Variants in ZNF544 observed in about 807,000 individuals in gnomAD.
The protein encoded by ZNF544 is zinc finger protein AF020591.
A neutral mutation model predicts 13.5 loss-of-function variants in ZNF544; 10 were observed. That is an observed-to-expected ratio of 0.74 (90% CI 0.46 to 1.25). The LOEUF (loss-of-function observed/expected upper bound fraction) is 1.25, where lower values mean the gene tolerates loss of function less well. ZNF544 is among the 50% of genes most tolerant of loss of function. The pLI is 0.00. For missense variants in ZNF544, 896 were observed against 845.6 expected (o/e 1.06, Z -0.74); for synonymous variants, 323 against 300.5 (o/e 1.07, Z -0.77).
Position 58,261,637 on chromosome 19 carries a change from G to T in ZNF544, c.1031G>T (p.Cys344Phe), listed in dbSNP as rs144773098. The T allele has an allele frequency of 6.2e-7, 1 of 1,614,234 alleles. No individual in the cohort carries two copies. Among genetic ancestry groups the T allele is most frequent in the South Asian group, 1.1e-5 (1 of 91,092 alleles). ...CCCATGGCCTCATCTTTTTCTGACT[G>T]TAACATCATTCAGACTACAGAGAAG... is the stretch of plus-strand genomic sequence containing the variant. ...AFPMASSFSD[C>F]NIIQTTEKPS... Residue 344 changes from cysteine (C) to phenylalanine (F), a missense_variant, in exon 7 of 7, where the codon TGT becomes TTT. Coordinates refer to ENST00000687789, the MANE Select transcript of ZNF544 (RefSeq NM_014480.4).
intron 6 of ZNF544, 166 bp from the exon 7 acceptor site, chr19:58,260,685 T>C (rs2048725393): frequency 3.2e-6 from 2 of 629,046 alleles, no homozygotes; most frequent in South Asian, 4.4e-5. Flanking sequence ...ACTGATACCA[T>C]GTTTGCTGAT....
At chr19:58,260,762 T>G in intron 6 of ZNF544, 89 bp from the exon 7 acceptor site, 1 of 1,215,938 alleles carries the variant, frequency 8.2e-7, no homozygotes, top group South Asian at 1.6e-5. Flanking sequence ...CCAGAGACAC[T>G]TCCATTAAAC....
chr19:58,263,039 C>T lies in ZNF544; in HGVS notation c.*285C>T. ...GAAAGCCTTTAGCCAACGGTGTCAA[C>T]TTACTAGGCAGCAGAGAATTCATAC... On this transcript the variant is annotated 3_prime_UTR_variant, in exon 7 of 7. Transcript: ENST00000687789. 8.6e-7 allele frequency: 1 copy of T among 1,169,278 alleles called. No homozygotes were observed. The highest frequency in any genetic ancestry group is 4.5e-5 in the East Asian group (1 of 22,192). The allele number at this position is 1,169,278 out of a possible 1,614,324, so 72.4% of individuals were successfully genotyped here. A position where few individuals can be genotyped will look rare whatever the true frequency, so the allele number is the denominator to read the frequency against.
Position 58,261,275 on chromosome 19 carries a change from T to A in ZNF544, c.669T>A (p.Cys223Ter), listed in dbSNP as rs756955839. ...GTCATCAGTGTGCTAGAGCTTTCTG[T>A]CAGAGTATTTACTTGAGTAAACTTG... ...CESHQCARAFCQSIYLSKLGN... is the reference protein window; with the variant it reads ...CESHQCARAF The change falls in exon 7 of 7, where the codon TGT becomes TGA. Residue 223 changes from cysteine to a stop codon, truncating the protein, a stop_gained. Transcript: ENST00000687789. LOFTEE classifies it low-confidence loss of function (END_TRUNC). 6.2e-7 allele frequency: 1 copy of A among 1,614,180 alleles called. No homozygotes were observed. The highest frequency in any genetic ancestry group is 2.2e-5 in the East Asian group (1 of 44,894).
At chr19:58,247,457 T>TC (rs1383680006) in intron 6 of ZNF544, 1 of 152,290 alleles carries the variant, frequency 6.6e-6, no homozygotes, top group Non-Finnish European at 1.5e-5. Flanking sequence ...AGACAGAGTT[T>TC]CACCGTGTTA....
At position 58,262,637 on chromosome 19, in the gene ZNF544, C is replaced by G; in HGVS notation, c.2031C>G (p.Ser677=). The change falls in exon 7 of 7, where the codon TCC becomes TCG. Residue 677 remains serine (S), a synonymous_variant. Transcript: ENST00000687789. ...KAFSGSSNLL[S]HHRIHSGEKP... ...TTTCAGGGAGCTCTAACCTTCTTTC[C>G]CATCACAGAATTCATTCTGGAGAGA... 6.2e-7 allele frequency: 1 copy of G among 1,613,940 alleles called. No homozygotes were observed. Among genetic ancestry groups the G allele is most frequent in the East Asian group, 2.2e-5 (1 of 44,860 alleles).
chr19:58,235,523 C>T (rs1355343153), intron 3 of ZNF544, among the ~76,000 whole-genome samples: 1 of 152,108 alleles, frequency 6.6e-6, no homozygotes, highest in African/African-American at 2.4e-5. Flanking sequence ...ATGCAATTAA[C>T]CTAAAATGTG....
Position 58,270,377 on chromosome 19 carries a change from C to A in ZNF544, c.245-5946C>A, listed in dbSNP as rs147194422. On this transcript the variant is annotated intron_variant, in intron 5 of 6. Coordinates refer to the ZNF544 transcript ENST00000595981. The stretch of plus-strand genomic sequence containing the variant: ...AGTGCAGTGGCGCGATCTTGGCTCA[C>A]TGTAACCTCCGCCTCCCGGGTTCAA... Among the ~76,000 whole-genome samples, 913 of 151,214 alleles carry A rather than the reference C, an allele frequency of 6.0e-3. 11 individuals carry two copies. The highest frequency in any genetic ancestry group is 0.021 in the African/African-American group (867 of 41,196).
Position 58,260,879 on chromosome 19 carries a change from G to T in ZNF544, c.273G>T (p.Arg91Ser). The T allele has an allele frequency of 1.2e-6, 2 of 1,610,226 alleles. No individual in the cohort carries two copies. The highest frequency in any genetic ancestry group is 8.5e-7 in the Non-Finnish European group (1 of 1,178,550). Reference protein sequence around the residue: ...RDWKATLEENRLNSEKDRARE... With the variant: ...RDWKATLEENSLNSEKDRARE... ...GGAAAGCTACCCTTGAGGAGAATAG[G>T]TTGAATTCTGAAAAAGATCGAGCTA... Residue 91 changes from arginine (R) to serine (S), a missense_variant, in exon 7 of 7, where the codon AGG becomes AGT. Coordinates refer to ENST00000687789, the MANE Select transcript of ZNF544 (RefSeq NM_014480.4).
chr19:58,271,511 AG>A (rs987017833), intron 5 of ZNF544, among the ~76,000 whole-genome samples: 6 of 152,072 alleles, frequency 3.9e-5, no homozygotes, highest in Admixed American at 2.6e-4. Context: ...CTGAGTTGGG[AG>A]GATTCTTTGA....
chr19:58,260,040 G>A (rs1308196374), intron 6 of ZNF544, among the ~76,000 whole-genome samples: 1 of 152,200 alleles, frequency 6.6e-6, no homozygotes, highest in East Asian at 1.9e-4. Context: ...TGAGGCTGCA[G>A]TGAGCCATGA....
rs2048123424 is a variant in ZNF544, at chr19:58,258,490, G to GGGTGCTGGGTGTGAC, written c.245-2359_245-2358insTGCTGGGTGTGACGG. 10 of 101,226 alleles carry GGGTGCTGGGTGTGAC rather than the reference G, an allele frequency of 9.9e-5. No individual in the cohort carries two copies. The Admixed American group carries it at 1.1e-3, about 11-fold the overall frequency. 6.3% of individuals were successfully genotyped at this position (101,226 alleles called of 1,614,324 possible). ...CCAGGTGTGAGGGTGCTGGGTGCGA[G>GGGTGCTGGGTGTGAC]GGCACCAGGTGTGAGGGTGCTGGGT... On this transcript the variant is annotated intron_variant, in intron 6 of 6. Transcript: ENST00000687789.
intron 3 of ZNF544, among the ~76,000 whole-genome samples, chr19:58,242,964 G>C (rs1458607392): frequency 6.6e-6 from 1 of 152,092 alleles, no homozygotes; most frequent in Non-Finnish European, 1.5e-5. Flanking sequence ...CAAAGTGCTG[G>C]GATTACACGC....
At position 58,261,788 on chromosome 19, in the gene ZNF544, C is replaced by T. The variant is rs769419548; in HGVS notation, c.1182C>T (p.Asp394=). 3 of 1,613,834 alleles carry T rather than the reference C, an allele frequency of 1.9e-6. No homozygotes were observed. Among genetic ancestry groups the T allele is most frequent in the Admixed American group, 1.7e-5 (1 of 59,978 alleles). Residue 394 remains aspartate (D), a synonymous_variant, in exon 7 of 7, where the codon GAC becomes GAT. Transcript: ENST00000687789. ...GGAAATCTTTTAGCCAGAGCTATGACCTTGTCATACATCAGAGGACACACA... is the reference window on the plus strand; with the variant it reads ...GGAAATCTTTTAGCCAGAGCTATGATCTTGTCATACATCAGAGGACACACA... ...QCGKSFSQSY[D]LVIHQRTHTG... is the part of the protein sequence containing the mutation.
At chr19:58,248,034 C>T (rs2045636469) in intron 6 of ZNF544, among the ~76,000 whole-genome samples, 1 of 152,004 alleles carries the variant, frequency 6.6e-6, no homozygotes, top group African/African-American at 2.4e-5. Flanking sequence ...CTGCCTCAAC[C>T]TCCCAACTAA....
At position 58,229,542 on chromosome 19, in the gene ZNF544, T is replaced by A. The variant is rs1431993753; in HGVS notation, c.-157T>A. 6.6e-6 allele frequency: 1 copy of A among 152,246 alleles called. No homozygotes were observed. 9.4% of individuals were successfully genotyped at this position (152,246 alleles called of 1,614,324 possible). A position where few individuals can be genotyped will look rare whatever the true frequency, so the allele number is the denominator to read the frequency against. ...ATTGGACCCCAGAGGTCATCCCAGC[T>A]CCAGACGTGGACACATTTTCTTCCA... On this transcript the variant is annotated 5_prime_UTR_variant, in exon 2 of 7. Transcript: ENST00000687789.
intron 3 of ZNF544, among the ~76,000 whole-genome samples, chr19:58,230,789 G>A (rs2041039469): frequency 6.6e-6 from 1 of 152,122 alleles, no homozygotes; most frequent in Admixed American, 6.6e-5. Flanking sequence ...GGCAGGGGGT[G>A]GGGCACTGGG....
chr19:58,245,359 T>C (rs2044913797), intron 4 of ZNF544, among the ~76,000 whole-genome samples: 1 of 150,248 alleles, frequency 6.7e-6, no homozygotes, highest in African/African-American at 2.4e-5. Context: ...TGGAGTACAA[T>C]GGCGCGATCT....
chr19:58,273,356 C>T (rs952815555), intron 5 of ZNF544, among the ~76,000 whole-genome samples: 4 of 152,054 alleles, frequency 2.6e-5, no homozygotes, highest in Non-Finnish European at 5.9e-5. Context: ...AATAAGTACT[C>T]TGTATCAAAT....
Sources: gnomAD v4.1 joint callset for allele counts (sites outside exome capture counted in the v4.1 genomes callset) on GRCh38, gnomAD v4.1.1 for gene constraint, MANE v1.5 for transcripts, NCBI Gene and HGNC (gene_info 2026-07-23, HGNC 2026-07-21) for gene names.